The following AMDHD1 variants were observed in gnomAD, a reference collection of about 807,000 sequenced individuals.
The protein encoded by AMDHD1 is amidohydrolase domain containing 1, also known as probable imidazolonepropionase.
In AMDHD1, 45 loss-of-function variants were observed where a neutral mutation model predicts 44.1. That is an observed-to-expected ratio of 1.02 (90% CI 0.80 to 1.31). The LOEUF (loss-of-function observed/expected upper bound fraction) is 1.31, where lower values mean the gene tolerates loss of function less well. Among genes scored for constraint, AMDHD1 ranks in the 50% most tolerant of loss-of-function variants. The pLI, the probability that AMDHD1 is intolerant of heterozygous loss-of-function variation, is 0.00. For missense variants in AMDHD1, 586 were observed against 552.1 expected, an observed-to-expected ratio of 1.06 and a Z score of -0.61; for synonymous variants, 206 against 205.0, an observed-to-expected ratio of 1.00 and a Z score of -0.04.
chr12:95,952,751 GT>G lies in AMDHD1; in HGVS notation c.174del (p.Ile59PhefsTer13), dbSNP rs768804329. The G allele has an allele frequency of 2.5e-6, 4 of 1,612,672 alleles. No homozygotes were observed. Among genetic ancestry groups the G allele is most frequent in the Non-Finnish European group, 2.5e-6 (3 of 1,178,966 alleles). On this transcript the variant is annotated frameshift_variant, in exon 2 of 9. Coordinates refer to ENST00000266736, the MANE Select transcript of AMDHD1 (RefSeq NM_152435.3). LOFTEE classifies it high-confidence loss of function. ...TATAAAAGCTATTGGTCCTGCTGATGTTATTCAAAGACAGTTTTCTGGAGAA... is the reference window on the plus strand; with the variant it reads ...TATAAAAGCTATTGGTCCTGCTGATGTATTCAAAGACAGTTTTCTGGAGAA... ...GFIKAIGPAD[V>X]IQRQFSGETF...
At chr12:95,961,551 C>T (rs1453046812) in intron 5 of AMDHD1, among the ~76,000 whole-genome samples, 1 of 152,226 alleles carries the variant, frequency 6.6e-6, no homozygotes, top group Admixed American at 6.5e-5. Context: ...GATACCCCAC[C>T]TGCATGCCTC....
chr12:95,946,362 A>G (rs1038506889), intron 1 of AMDHD1, among the ~76,000 whole-genome samples: 19 of 152,164 alleles, frequency 1.2e-4, no homozygotes, highest in African/African-American at 4.3e-4. Flanking sequence ...GTGGACAATG[A>G]ACCTAAAATA....
chr12:95,948,021 T>C (rs1286340163), intron 1 of AMDHD1, among the ~76,000 whole-genome samples: 449 of 14,930 alleles, frequency 0.03, no homozygotes, highest in Middle Eastern at 0.056. Flanking sequence ...CCAGCCGCCC[T>C]GTCCGGGAGG....
At chr12:95,961,958 T>A (rs2080584162) in intron 5 of AMDHD1, among the ~76,000 whole-genome samples, 1 of 152,232 alleles carries the variant, frequency 6.6e-6, no homozygotes, top group Non-Finnish European at 1.5e-5. Context: ...AATAAAACGC[T>A]GTTTCTCTTT....
At position 95,956,626 on chromosome 12, in the gene AMDHD1, T is replaced by C. The variant is rs187366868; in HGVS notation, c.310-59T>C. On this transcript the variant is annotated intron_variant, in intron 3 of 8. Transcript: ENST00000266736. The stretch of plus-strand genomic sequence containing the variant: ...TAATATTGCCCCTGGAAGTAGATTC[T>C]TCAGACCTCCCTGCAACTTCCTGGC... The C allele has an allele frequency of 9.4e-6, 15 of 1,591,046 alleles. No homozygotes were observed. In the Admixed American group the frequency reaches 1.9e-4, roughly 20 times the overall value.
At chr12:95,957,579 T>C (rs1340662863) in intron 4 of AMDHD1, among the ~76,000 whole-genome samples, 2 of 152,184 alleles carry the variant, frequency 1.3e-5, no homozygotes, top group Admixed American at 1.3e-4. Flanking sequence ...CCAACTGAAC[T>C]ATCTAAAAGA....
chr12:95,967,322 G>T (rs1369735862), intron 8 of AMDHD1, among the ~76,000 whole-genome samples: 1 of 152,200 alleles, frequency 6.6e-6, no homozygotes, highest in Non-Finnish European at 1.5e-5. Flanking sequence ...TGAGATTTGG[G>T]TGGGCACATA....
rs956042348 is a variant in AMDHD1, at chr12:95,950,583, C to A, written c.138-2134C>A. Reference sequence around the variant, plus strand: ...TCTCCTATGTGAAAATCCAGACATACGAATGCAGGGCTAGTTGATTGCAAT... The same window carrying A: ...TCTCCTATGTGAAAATCCAGACATAAGAATGCAGGGCTAGTTGATTGCAAT... On this transcript the variant is annotated intron_variant, in intron 1 of 8. Coordinates refer to ENST00000266736, the MANE Select transcript of AMDHD1 (RefSeq NM_152435.3). 2.0e-5 allele frequency among the ~76,000 whole-genome samples: 3 copies of A among 152,190 alleles called. No individual in the cohort carries two copies. In the South Asian group the frequency reaches 6.2e-4, roughly 31 times the overall value.
In AMDHD1 at chr12:95,966,475, A is replaced by G. The variant is rs1312254977; in HGVS notation, c.1160A>G (p.Lys387Arg). Residue 387 changes from lysine (K) to arginine (R), a missense_variant, in exon 8 of 9, where the codon AAA becomes AGA. Coordinates refer to ENST00000266736, the MANE Select transcript of AMDHD1 (RefSeq NM_152435.3). ...SHTHGSLEVG[K>R]QGDLIIINSS... ...ACACACGGATCGTTGGAAGTTGGCA[A>G]ACAGGGAGATCTCATTATCATCAAT... The G allele has an allele frequency of 2.5e-6, 4 of 1,614,134 alleles. No homozygotes were observed. The highest frequency in any genetic ancestry group is 1.3e-5 in the African/African-American group (1 of 74,946).
At chr12:95,955,005 A>G (rs754725459) in intron 3 of AMDHD1, 30 bp downstream of exon 3, 3 of 1,608,138 alleles carry the variant, frequency 1.9e-6, no homozygotes, top group African/African-American at 1.3e-5. Flanking sequence ...GCAAATCAAA[A>G]TAAAGCACAA....
At chr12:95,953,790 AG>A in intron 2 of AMDHD1, among the ~76,000 whole-genome samples, 1 of 152,268 alleles carries the variant, frequency 6.6e-6, no homozygotes, top group South Asian at 2.1e-4. Flanking sequence ...CATGTTGGTC[AG>A]GCTGGTCTCA....
intron 1 of AMDHD1, among the ~76,000 whole-genome samples, chr12:95,951,541 C>A (rs935077434): frequency 2.0e-5 from 3 of 152,182 alleles, no homozygotes; most frequent in African/African-American, 7.2e-5. Context: ...AATAGTGCTG[C>A]AATTAACATG....
intron 6 of AMDHD1, among the ~76,000 whole-genome samples, chr12:95,964,109 G>A (rs2080596862): frequency 6.6e-6 from 1 of 151,156 alleles, no homozygotes; most frequent in Admixed American, 6.6e-5. Context: ...AAGACTTTGT[G>A]GTACTGGAGG....
At position 95,960,708 on chromosome 12, in the gene AMDHD1, C is replaced by A. The variant is rs1438511955; in HGVS notation, c.813+85C>A. ...GGAAACTTAATTAGTTTCTTCAAAG[C>A]CCTCTGAAAAGATATTGAATGGGGA... On this transcript the variant is annotated intron_variant, in intron 5 of 8. Coordinates refer to ENST00000266736, the MANE Select transcript of AMDHD1 (RefSeq NM_152435.3). 5 of 1,355,026 alleles carry A rather than the reference C, an allele frequency of 3.7e-6. No individual in the cohort carries two copies. The African/African-American group carries it at 4.4e-5, about 12-fold the overall frequency. The allele number at this position is 1,355,026 out of a possible 1,614,324, so 83.9% of individuals were successfully genotyped here. A position where few individuals can be genotyped will look rare whatever the true frequency, so the allele number is the denominator to read the frequency against.
At chr12:95,951,934 G>A (rs2080527488) in intron 1 of AMDHD1, among the ~76,000 whole-genome samples, 1 of 152,016 alleles carries the variant, frequency 6.6e-6, no homozygotes, top group Admixed American at 6.6e-5. Context: ...AGATTATTAG[G>A]TTTTTTCCTA....
chr12:95,950,939 A>G (rs1174173157), intron 1 of AMDHD1, among the ~76,000 whole-genome samples: 1 of 152,220 alleles, frequency 6.6e-6, no homozygotes, highest in Non-Finnish European at 1.5e-5. Context: ...TTTGACGTTT[A>G]AAGTTTTTTT....
At chr12:95,964,927 G>GAAAAAAAAA (rs2080601230) in intron 6 of AMDHD1, among the ~76,000 whole-genome samples, 6 of 9,684 alleles carry the variant, frequency 6.2e-4, no homozygotes, top group Admixed American at 1.2e-3. Context: ...GATGTTTGAG[G>GAAAAAAAAA]CAAAAAAAAA....
intron 1 of AMDHD1, among the ~76,000 whole-genome samples, chr12:95,949,931 G>A (rs980090266): frequency 2.0e-5 from 3 of 152,200 alleles, no homozygotes; most frequent in African/African-American, 4.8e-5. Flanking sequence ...CCACACTGTT[G>A]AAAGGTAGAT....
chr12:95,962,613 T>A, intron 6 of AMDHD1, 134 bp downstream of exon 6: 1 of 1,133,146 alleles, frequency 8.8e-7, no homozygotes, highest in Non-Finnish European at 1.2e-6. Context: ...ACTCAGCTAA[T>A]GAAGATGCCA....
Sources: allele counts gnomAD v4.1 joint callset (sites outside exome capture counted in the v4.1 genomes callset), GRCh38; gene constraint gnomAD v4.1.1; transcripts MANE v1.5; gene names NCBI Gene and HGNC (gene_info 2026-07-23, HGNC 2026-07-21).